The following LYRM4 variants were observed in gnomAD, a reference collection of about 807,000 sequenced individuals.
The protein encoded by LYRM4 is LYR motif containing 4.
LYRM4 carries 9 observed loss-of-function variants against 11.7 expected under a neutral mutation model. The observed-to-expected ratio is 0.77, with a 90% confidence interval of 0.46 to 1.34. The LOEUF is 1.34. LYRM4 is among the 40% of genes most tolerant of loss of function. LYRM4 has a pLI of 0.00. For synonymous variants in LYRM4, 42 were observed against 40.4 expected (o/e 1.04, Z -0.15); for missense variants, 133 against 112.5 (o/e 1.18, Z -0.82).
chr6:5,187,374 T>C (rs1581463736), intron 2 of LYRM4, among the ~76,000 whole-genome samples: 1 of 152,328 alleles, frequency 6.6e-6, no homozygotes, highest in South Asian at 2.1e-4. Flanking sequence ...CTGCTCATAA[T>C]GGCAAAAAGC....
chr6:5,193,928 T>C (rs1370304795), intron 2 of LYRM4, among the ~76,000 whole-genome samples: 1 of 152,086 alleles, frequency 6.6e-6, no homozygotes, highest in Non-Finnish European at 1.5e-5. Flanking sequence ...TCAAAATTAA[T>C]GGTTCATGCT....
Position 5,121,068 on chromosome 6 carries a change from T to C in LYRM4, c.208-11577A>G, listed in dbSNP as rs531910469. 5.3e-5 allele frequency among the ~76,000 whole-genome samples: 8 copies of C among 152,278 alleles called. No individual in the cohort carries two copies. The Middle Eastern group carries it at 0.01, about 194-fold the overall frequency. ...GTGCTCATCTAAGGGGATTCAGGCT[T>C]AGCACTTATTTTTTGAGTATTACCT... On this transcript the variant is annotated intron_variant, in intron 2 of 2. Transcript: ENST00000330636.
intron 2 of LYRM4, among the ~76,000 whole-genome samples, chr6:5,167,468 T>G (rs1401645650): frequency 6.6e-6 from 1 of 152,242 alleles, no homozygotes; most frequent in Non-Finnish European, 1.5e-5. Flanking sequence ...TTACTTTTCA[T>G]AAAAGCCTCT....
At chr6:5,221,439 A>G (rs1296182269) in intron 1 of LYRM4, among the ~76,000 whole-genome samples, 6 of 152,222 alleles carry the variant, frequency 3.9e-5, no homozygotes. Flanking sequence ...TCATGCCTGT[A>G]ATCTCAGCAC....
At chr6:5,103,135 C>T (rs956447963), downstream of LYRM4, 2 of 152,212 alleles carry the variant, frequency 1.3e-5, no homozygotes, top group Admixed American at 6.5e-5. Flanking sequence ...TCCACATAGA[C>T]TTTAGGTAAA....
intron 2 of LYRM4, among the ~76,000 whole-genome samples, chr6:5,119,130 G>C: frequency 6.6e-6 from 1 of 152,184 alleles, no homozygotes; most frequent in Non-Finnish European, 1.5e-5. Flanking sequence ...TTGAATGTTA[G>C]ATATGGGATA....
At position 5,138,616 on chromosome 6, in the gene LYRM4, C is replaced by T. The variant is rs542430074; in HGVS notation, c.208-29125G>A. On this transcript the variant is annotated intron_variant, in intron 2 of 2. Transcript: ENST00000330636. ...ATTTCCAGACTAAGTCACAAGAAAA[C>T]CTTATATACTATGACATCTGTATAT... is the stretch of plus-strand genomic sequence containing the variant. The T allele has an allele frequency of 3.0e-5, 26 of 854,418 alleles. No individual in the cohort carries two copies. In the African/African-American group the frequency reaches 3.5e-4, roughly 12 times the overall value. 52.9% of individuals were successfully genotyped at this position (854,418 alleles called of 1,614,324 possible).
At chr6:5,182,739 C>A (rs1283620968) in intron 2 of LYRM4, among the ~76,000 whole-genome samples, 1 of 152,276 alleles carries the variant, frequency 6.6e-6, no homozygotes, top group East Asian at 1.9e-4. Context: ...CTTTAATCAG[C>A]CATGAGAGAG....
chr6:5,144,795 C>T (rs1445162050), intron 2 of LYRM4, among the ~76,000 whole-genome samples: 2 of 152,176 alleles, frequency 1.3e-5, no homozygotes, highest in South Asian at 2.1e-4. Flanking sequence ...CGCTCACTCC[C>T]GGGCTGCCCG....
chr6:5,044,377 C>G, the LYRM4 span, among the ~76,000 whole-genome samples: 1 of 151,844 alleles, frequency 6.6e-6, no homozygotes, highest in Non-Finnish European at 1.5e-5. Context: ...GTGATCTGCC[C>G]GCCTCGGCCT....
intron 1 of LYRM4, among the ~76,000 whole-genome samples, chr6:5,219,329 A>G (rs941380958): frequency 6.6e-6 from 1 of 152,148 alleles, no homozygotes; most frequent in African/African-American, 2.4e-5. Context: ...CCAGCTCTCC[A>G]AAGTCCTTAC....
At chr6:5,144,721 C>A (rs1195023801) in intron 2 of LYRM4, among the ~76,000 whole-genome samples, 3 of 147,798 alleles carry the variant, frequency 2.0e-5, no homozygotes, top group Non-Finnish European at 4.5e-5. Flanking sequence ...GCCCCAGGAG[C>A]TGGGAAATCA....
the LYRM4 span, among the ~76,000 whole-genome samples, chr6:5,048,636 C>T: frequency 6.6e-6 from 1 of 152,172 alleles, no homozygotes; most frequent in Non-Finnish European, 1.5e-5. Context: ...ACATGCCCAG[C>T]CCTTGTGTTT....
intron 1 of LYRM4, among the ~76,000 whole-genome samples, chr6:5,226,420 T>C (rs1218772144): frequency 2.0e-5 from 3 of 152,172 alleles, no homozygotes; most frequent in Admixed American, 6.5e-5. Flanking sequence ...GTTTTGCTCT[T>C]GTTGCCCAGG....
intron 2 of LYRM4, among the ~76,000 whole-genome samples, chr6:5,211,462 A>C (rs1200805257): frequency 6.6e-6 from 1 of 152,258 alleles, no homozygotes; most frequent in Non-Finnish European, 1.5e-5. Flanking sequence ...AGTGTAAGCT[A>C]AGAAACACTG....
At chr6:5,139,886 G>C (rs375039603) in intron 2 of LYRM4, among the ~76,000 whole-genome samples, 5 of 146,738 alleles carry the variant, frequency 3.4e-5, no homozygotes, top group Admixed American at 2.1e-4. Flanking sequence ...TGCCCAGGCT[G>C]GGGGGCAGTG....
chr6:5,235,637 G>A (rs1341617311), intron 1 of LYRM4, among the ~76,000 whole-genome samples: 1 of 152,164 alleles, frequency 6.6e-6, no homozygotes, highest in Non-Finnish European at 1.5e-5. Context: ...AACATTTGCT[G>A]TATCAGGCAT....
chr6:5,222,045 T>C (rs1463704310), intron 1 of LYRM4, among the ~76,000 whole-genome samples: 2 of 152,224 alleles, frequency 1.3e-5, no homozygotes, highest in African/African-American at 4.8e-5. Context: ...TCAAGGATCA[T>C]TTGAAGGTCA....
chr6:5,037,834 C>T, the LYRM4 span, among the ~76,000 whole-genome samples: 1 of 59,330 alleles, frequency 1.7e-5, no homozygotes, highest in Non-Finnish European at 4.1e-5. Context: ...CCTCCCCCCT[C>T]CCGGACGGGG....
Sources: gnomAD v4.1 joint callset for allele counts (sites outside exome capture counted in the v4.1 genomes callset) on GRCh38, gnomAD v4.1.1 for gene constraint, MANE v1.5 for transcripts, NCBI Gene and HGNC (gene_info 2026-07-23, HGNC 2026-07-21) for gene names.